Variants in ATP2B1 observed in about 807,000 individuals in gnomAD.
The protein encoded by ATP2B1 is ATPase plasma membrane Ca2+ transporting 1, also known as plasma membrane calcium-transporting ATPase 1.
Under a neutral mutation model 124.2 loss-of-function variants are expected in ATP2B1, and 14 were observed. The ratio of observed to expected loss-of-function variants is 0.11; its 90% CI spans 0.07 to 0.18. The LOEUF is 0.18. Among genes scored for constraint, ATP2B1 ranks in the 10% least tolerant of loss-of-function variants. The pLI is 1.00. For synonymous variants in ATP2B1, 449 were observed against 492.4 expected (o/e 0.91, Z 1.17); for missense variants, 763 against 1,466.1 (o/e 0.52, Z 7.83).
At chr12:89,695,144 G>C (rs1433369294) in intron 1 of ATP2B1, among the ~76,000 whole-genome samples, 1 of 151,568 alleles carries the variant, frequency 6.6e-6, no homozygotes, top group African/African-American at 2.4e-5. Context: ...GCAGATTCTA[G>C]AACGCTTTTC....
At chr12:89,704,909 A>G (rs777462944) in intron 1 of ATP2B1, among the ~76,000 whole-genome samples, 6 of 152,208 alleles carry the variant, frequency 3.9e-5, no homozygotes, top group East Asian at 1.9e-4. Flanking sequence ...GACACTATTG[A>G]GTATACCGTA....
intron 1 of ATP2B1, among the ~76,000 whole-genome samples, chr12:89,680,811 A>G (rs912428177): frequency 6.6e-6 from 1 of 152,196 alleles, no homozygotes; most frequent in South Asian, 2.1e-4. Flanking sequence ...AAGATTAAAA[A>G]AAAATCCCCA....
intron 7 of ATP2B1, among the ~76,000 whole-genome samples, chr12:89,627,080 C>A (rs1169834022): frequency 6.6e-6 from 1 of 151,994 alleles, no homozygotes. Context: ...TATATAATAA[C>A]CAGCGTTCAA....
In ATP2B1 at chr12:89,683,756, T is replaced by C. The variant is rs529337630; in HGVS notation, c.-222+24840A>G. ...CAATTAAGTTTGGGGTGGTCTGTTA[T>C]GCAGTAACGGATTGCTAGAGAAGGG... On this transcript the variant is annotated intron_variant, in intron 1 of 20. Coordinates refer to ENST00000428670, the MANE Select transcript of ATP2B1 (RefSeq NM_001366521.1). 4.1e-3 allele frequency among the ~76,000 whole-genome samples: 622 copies of C among 152,304 alleles called. 3 individuals carry two copies. Among genetic ancestry groups the C allele is most frequent in the Non-Finnish European group, 6.0e-3 (406 of 68,014 alleles).
chr12:89,645,380 C>T (rs1443340270), intron 2 of ATP2B1, among the ~76,000 whole-genome samples: 1 of 152,172 alleles, frequency 6.6e-6, no homozygotes, highest in Non-Finnish European at 1.5e-5. Flanking sequence ...ATATTTACTA[C>T]TTCTAGGGAC....
At chr12:89,636,944 A>G (rs1882806863) in intron 3 of ATP2B1, among the ~76,000 whole-genome samples, 2 of 152,228 alleles carry the variant, frequency 1.3e-5, no homozygotes, top group Admixed American at 6.5e-5. Context: ...TCAAGGCTGT[A>G]AGAATGACTC....
At chr12:89,690,517 A>G (rs569245314) in intron 1 of ATP2B1, among the ~76,000 whole-genome samples, 1 of 152,102 alleles carries the variant, frequency 6.6e-6, no homozygotes. Flanking sequence ...TCAGAATGTC[A>G]ACAACTTAAG....
At chr12:89,641,757 T>C (rs1489845418) in intron 3 of ATP2B1, 1 of 159,326 alleles carries the variant, frequency 6.3e-6, no homozygotes, top group African/African-American at 2.4e-5. Context: ...AGTAATGAAT[T>C]TGGGAAGAGA....
chr12:89,635,959 TG>T (rs1882623957), intron 3 of ATP2B1, among the ~76,000 whole-genome samples: 1 of 152,032 alleles, frequency 6.6e-6, no homozygotes, highest in Non-Finnish European at 1.5e-5. Flanking sequence ...GGACGGTATA[TG>T]AAGAATTCAG....
chr12:89,598,534 G>C, intron 20 of ATP2B1: 1 of 1,523,938 alleles, frequency 6.6e-7, no homozygotes, highest in Non-Finnish European at 8.9e-7. Context: ...AATGAGAAAC[G>C]TTAGGTGTGT....
intron 20 of ATP2B1, among the ~76,000 whole-genome samples, chr12:89,597,835 T>C (rs1874938679): frequency 6.6e-6 from 1 of 151,980 alleles, no homozygotes; most frequent in Admixed American, 6.6e-5. Flanking sequence ...TATTGAAAAT[T>C]ACAACATTTA....
intron 3 of ATP2B1, among the ~76,000 whole-genome samples, chr12:89,636,234 G>T (rs2037372): frequency 2.1e-4 from 32 of 152,100 alleles, no homozygotes; most frequent in Non-Finnish European, 2.2e-4. Context: ...GTGGGGAGGG[G>T]GGAGAGAATG....
chr12:89,633,306 TTTA>T (rs1882174863), intron 5 of ATP2B1, among the ~76,000 whole-genome samples: 2 of 151,880 alleles, frequency 1.3e-5, no homozygotes, highest in African/African-American at 4.8e-5. Context: ...TTTTTTAAAT[TTTA>T]TTATTATTAT....
At position 89,701,992 on chromosome 12, in the gene ATP2B1, A is replaced by G. The variant is rs1042779640; in HGVS notation, c.-222+6604T>C. ...ACAGCTCTCAACTCCAGGAAACACA[A>G]TTCATTTTGTGTTGTATGTGAACAG... On this transcript the variant is annotated intron_variant, in intron 1 of 20. Transcript: ENST00000428670. 2.6e-5 allele frequency among the ~76,000 whole-genome samples: 4 copies of G among 152,212 alleles called. No individual in the cohort carries two copies. In the East Asian group the frequency reaches 7.7e-4, roughly 29 times the overall value.
At chr12:89,639,166 T>C (rs73196678) in intron 3 of ATP2B1, among the ~76,000 whole-genome samples, 15,842 of 152,238 alleles carry the variant, frequency 0.1, 1,134 homozygotes, top group Non-Finnish European at 0.15. Context: ...AGTGTTGAGA[T>C]GTAACGAGAC....
At chr12:89,614,802 TGGTTCTA>T (rs1165178285) in intron 12 of ATP2B1, among the ~76,000 whole-genome samples, 1 of 152,182 alleles carries the variant, frequency 6.6e-6, no homozygotes, top group African/African-American at 2.4e-5. Context: ...TACTTCCTAC[TGGTTCTA>T]TCTCCACTTA....
rs1252519981 is a variant in ATP2B1 at position 89,611,370 on chromosome 12, C to T, written c.2070G>A (p.Val690=). 2.7e-6 allele frequency: 4 copies of T among 1,504,904 alleles called. No homozygotes were observed. Among genetic ancestry groups the T allele is most frequent in the African/African-American group, 1.4e-5 (1 of 69,854 alleles). 93.2% of individuals were successfully genotyped at this position (1,504,904 alleles called of 1,614,324 possible). Residue 690 remains valine (V), a splice_region_variant and synonymous_variant, in exon 13 of 21, where the codon GTG becomes GTA. Coordinates refer to ENST00000428670, the MANE Select transcript of ATP2B1 (RefSeq NM_001366521.1). The part of the protein sequence containing the change: ...VGIEDPVRPE[V]PDAIKKCQRA... ...TCTGACACTTTTTAATTGCATCTGG[C>T]ACCTGGTTTACATTAAAAAAAAAAA...
At chr12:89,677,964 A>ATATGTG (rs1368511191) in intron 1 of ATP2B1, among the ~76,000 whole-genome samples, 1 of 104,508 alleles carries the variant, frequency 9.6e-6, no homozygotes, top group East Asian at 2.5e-4. Flanking sequence ...TTATATATAT[A>ATATGTG]TATATATACA....
intron 12 of ATP2B1, among the ~76,000 whole-genome samples, chr12:89,613,989 T>C (rs1416017292): frequency 6.6e-6 from 1 of 152,312 alleles, no homozygotes; most frequent in South Asian, 2.1e-4. Flanking sequence ...ATTTAGTATA[T>C]AAATACCCAT....
Sources: allele counts gnomAD v4.1 joint callset (sites outside exome capture counted in the v4.1 genomes callset), GRCh38; gene constraint gnomAD v4.1.1; transcripts MANE v1.5; gene names NCBI Gene and HGNC (gene_info 2026-07-23, HGNC 2026-07-21).